Variants in GPC5 observed in about 807,000 individuals in gnomAD.
GPC5 encodes glypican 5.
In GPC5, 47 loss-of-function variants were observed where a neutral mutation model predicts 53.9. That is an observed-to-expected ratio of 0.87 (90% CI 0.69 to 1.11). GPC5 has a LOEUF of 1.11. Among genes scored for constraint, GPC5 ranks in the 50% most tolerant of loss-of-function variants. The pLI is 0.00. For missense variants in GPC5, 748 were observed against 713.1 expected (o/e 1.05, Z -0.56); for synonymous variants, 286 against 263.3 (o/e 1.09, Z -0.84).
intron 7 of GPC5, among the ~76,000 whole-genome samples, chr13:92,720,943 T>G (rs1358177943): frequency 2.6e-5 from 4 of 152,112 alleles, no homozygotes; most frequent in African/African-American, 9.6e-5. Context: ...AGAATGGGCC[T>G]GATTTGTGGC....
intron 6 of GPC5, among the ~76,000 whole-genome samples, chr13:91,972,827 G>A (rs1430981681): frequency 9.2e-5 from 14 of 152,298 alleles, no homozygotes; most frequent in Non-Finnish European, 1.6e-4. Context: ...AGTTTCTGCT[G>A]AGAGATCCAC....
At chr13:91,927,974 C>A (rs1594669070) in intron 6 of GPC5, among the ~76,000 whole-genome samples, 1 of 152,308 alleles carries the variant, frequency 6.6e-6, no homozygotes, top group Middle Eastern at 3.4e-3. Flanking sequence ...AATACATACT[C>A]TTCCTATCAA....
chr13:91,824,228 A>C (rs983757382), intron 5 of GPC5, among the ~76,000 whole-genome samples: 2 of 152,062 alleles, frequency 1.3e-5, no homozygotes, highest in Non-Finnish European at 2.9e-5. Context: ...AAATCAATTC[A>C]ACAAAAATGA....
intron 5 of GPC5, among the ~76,000 whole-genome samples, chr13:91,780,841 A>G (rs2037786416): frequency 6.6e-6 from 1 of 152,198 alleles, no homozygotes; most frequent in Non-Finnish European, 1.5e-5. Context: ...GTGTTGGAAA[A>G]ACATAATAAC....
intron 5 of GPC5, among the ~76,000 whole-genome samples, chr13:91,765,778 A>G (rs982790687): frequency 1.3e-5 from 2 of 152,228 alleles, no homozygotes. Context: ...ATGTGATATG[A>G]GTTTTCATTC....
At chr13:92,550,106 T>C (rs930947004) in intron 7 of GPC5, among the ~76,000 whole-genome samples, 2 of 151,950 alleles carry the variant, frequency 1.3e-5, no homozygotes, top group African/African-American at 2.4e-5. Context: ...TTTAAATCTA[T>C]AGGTTGTGAA....
At chr13:92,131,596 T>C (rs1351376341) in intron 6 of GPC5, among the ~76,000 whole-genome samples, 1 of 152,056 alleles carries the variant, frequency 6.6e-6, no homozygotes, top group Non-Finnish European at 1.5e-5. Flanking sequence ...TACTGCATGA[T>C]ACTATTTTTA....
At chr13:91,907,061 G>A (rs1286745184) in intron 5 of GPC5, among the ~76,000 whole-genome samples, 1 of 144,888 alleles carries the variant, frequency 6.9e-6, no homozygotes, top group Non-Finnish European at 1.5e-5. Context: ...ACATAACAGT[G>A]CCACAGAGGA....
chr13:91,993,525 CA>C (rs2040476096), intron 6 of GPC5, among the ~76,000 whole-genome samples: 1 of 152,064 alleles, frequency 6.6e-6, no homozygotes, highest in Non-Finnish European at 1.5e-5. Flanking sequence ...TCAAACTTAT[CA>C]AAGTGTCAGC....
intron 2 of GPC5, among the ~76,000 whole-genome samples, chr13:91,504,376 A>G (rs1884821746): frequency 6.6e-6 from 1 of 152,126 alleles, no homozygotes; most frequent in African/African-American, 2.4e-5. Context: ...TTATTCATTA[A>G]TAACATTATT....
intron 5 of GPC5, among the ~76,000 whole-genome samples, chr13:91,780,457 C>G (rs1331116700): frequency 6.6e-6 from 1 of 151,858 alleles, no homozygotes; most frequent in African/African-American, 2.4e-5. Flanking sequence ...TTAAAAATTT[C>G]TCTCCTTCCT....
chr13:91,923,734 G>T (rs1243759067), intron 6 of GPC5, among the ~76,000 whole-genome samples: 1 of 151,976 alleles, frequency 6.6e-6, no homozygotes, highest in Non-Finnish European at 1.5e-5. Context: ...TTCTGAAAAA[G>T]ATCATTTTTA....
intron 7 of GPC5, among the ~76,000 whole-genome samples, chr13:92,740,892 TTATTTATATATA>T (rs1465096881): frequency 7.4e-5 from 3 of 40,438 alleles, no homozygotes; most frequent in Non-Finnish European, 9.5e-5. Context: ...GTATATTTAT[TTATTTATATATA>T]TATATATATA....
intron 7 of GPC5, among the ~76,000 whole-genome samples, chr13:92,523,158 A>C (rs1881135353): frequency 6.6e-6 from 1 of 152,180 alleles, no homozygotes; most frequent in African/African-American, 2.4e-5. Context: ...GTTTGTAATA[A>C]TGCTCAGAAT....
intron 7 of GPC5, among the ~76,000 whole-genome samples, chr13:92,728,916 G>A (rs1888722788): frequency 6.6e-6 from 1 of 151,382 alleles, no homozygotes; most frequent in East Asian, 1.9e-4. Context: ...TGCATATTTA[G>A]TTAACAGCAG....
chr13:91,923,477 A>C (rs570269665), intron 6 of GPC5, among the ~76,000 whole-genome samples: 1 of 152,344 alleles, frequency 6.6e-6, no homozygotes, highest in African/African-American at 2.4e-5. Flanking sequence ...ATGGCATAGA[A>C]TATTGAAGAA....
chr13:91,494,033 C>G (rs559513488), intron 2 of GPC5, among the ~76,000 whole-genome samples: 1 of 150,884 alleles, frequency 6.6e-6, no homozygotes, highest in African/African-American at 2.5e-5. Context: ...ACCACCACAC[C>G]CGGCTAATTT....
chr13:91,489,641 A>G (rs745336958), intron 2 of GPC5, among the ~76,000 whole-genome samples: 1 of 152,190 alleles, frequency 6.6e-6, no homozygotes, highest in African/African-American at 2.4e-5. Flanking sequence ...TTTATTCCAA[A>G]TAAGCACATT....
At chr13:92,400,081 C>T (rs571458520) in intron 7 of GPC5, among the ~76,000 whole-genome samples, 20 of 152,250 alleles carry the variant, frequency 1.3e-4, no homozygotes, top group Admixed American at 2.6e-4. Context: ...TCGTGAATTG[C>T]CTCTTGCTAC....
Sources: gnomAD v4.1 joint callset for allele counts (sites outside exome capture counted in the v4.1 genomes callset) on GRCh38, gnomAD v4.1.1 for gene constraint, MANE v1.5 for transcripts, NCBI Gene and HGNC (gene_info 2026-07-23, HGNC 2026-07-21) for gene names.